Variants in KCNN3 observed in about 807,000 individuals in gnomAD.
The protein encoded by KCNN3 is potassium calcium-activated channel subfamily N member 3, also known as small conductance calcium-activated potassium channel protein 3.
Under a neutral mutation model 62.9 loss-of-function variants are expected in KCNN3, and 16 were observed. That is an observed-to-expected ratio of 0.25 (90% confidence interval 0.17 to 0.39). The LOEUF (loss-of-function observed/expected upper bound fraction) is 0.39, where lower values mean the gene tolerates loss of function less well. Among genes scored for constraint, KCNN3 ranks in the 10% least tolerant of loss-of-function variants. KCNN3 has a pLI of 1.00. For synonymous variants in KCNN3, 370 were observed against 389.2 expected (o/e 0.95, Z 0.58); for missense variants, 599 against 949.4 (o/e 0.63, Z 4.85).
intron 1 of KCNN3, chr1:154,859,855 C>T: frequency 1.9e-6 from 3 of 1,581,628 alleles, no homozygotes; most frequent in Non-Finnish European, 2.6e-6. Flanking sequence ...TAATTTGACA[C>T]TGAGCAGCAC....
At chr1:154,795,696 A>C (rs573758389) in intron 2 of KCNN3, among the ~76,000 whole-genome samples, 1 of 152,320 alleles carries the variant, frequency 6.6e-6, no homozygotes, top group South Asian at 2.1e-4. Context: ...GGGGGCACTG[A>C]AAGTTGGTGG....
intron 3 of KCNN3, among the ~76,000 whole-genome samples, chr1:154,738,428 C>T (rs10908429): frequency 0.28 from 43,311 of 152,136 alleles, 6,316 homozygotes; most frequent in East Asian, 0.4. Flanking sequence ...GAGGGTGGAA[C>T]GAAGACATTT....
chr1:154,803,627 C>T (rs752096469), intron 2 of KCNN3, among the ~76,000 whole-genome samples: 1 of 152,166 alleles, frequency 6.6e-6, no homozygotes, highest in Non-Finnish European at 1.5e-5. Flanking sequence ...AACCAAGGAG[C>T]GTTGAGTCCT....
At chr1:154,846,956 G>A (rs531026675) in intron 1 of KCNN3, among the ~76,000 whole-genome samples, 2 of 152,264 alleles carry the variant, frequency 1.3e-5, no homozygotes, top group South Asian at 2.1e-4. Flanking sequence ...ACATGGATGT[G>A]ACCAAAGCAG....
At chr1:154,851,543 C>T (rs934194484) in intron 1 of KCNN3, among the ~76,000 whole-genome samples, 12 of 152,218 alleles carry the variant, frequency 7.9e-5, no homozygotes, top group African/African-American at 1.2e-4. Context: ...ACAGAAATTC[C>T]ATCCTTCCAG....
At chr1:154,794,556 G>A (rs1441264337) in intron 2 of KCNN3, among the ~76,000 whole-genome samples, 1 of 152,192 alleles carries the variant, frequency 6.6e-6, no homozygotes, top group Non-Finnish European at 1.5e-5. Context: ...GTAGACTATT[G>A]TTATGCTCTT....
At chr1:154,844,028 G>A (rs1460987748) in intron 1 of KCNN3, among the ~76,000 whole-genome samples, 1 of 152,210 alleles carries the variant, frequency 6.6e-6, no homozygotes, top group Admixed American at 6.5e-5. Flanking sequence ...GCCAGCAGGG[G>A]AAGGCCAAAG....
intron 5 of KCNN3, among the ~76,000 whole-genome samples, chr1:154,721,899 A>G (rs1700358012): frequency 6.6e-6 from 1 of 151,636 alleles, no homozygotes; most frequent in Admixed American, 6.6e-5. Context: ...TAATTACAGA[A>G]TAACAATGGC....
In KCNN3 at chr1:154,701,331, G is replaced by T. The variant is rs1292158226; in HGVS notation, c.*6645C>A. 3 of 152,170 alleles carry T rather than the reference G, an allele frequency of 2.0e-5. No homozygotes were observed. Among genetic ancestry groups the T allele is most frequent in the African/African-American group, 7.2e-5 (3 of 41,434 alleles). The allele number at this position is 152,170 out of a possible 1,614,324, so 9.4% of individuals were successfully genotyped here. On this transcript the variant is annotated 3_prime_UTR_variant, in exon 8 of 8. Coordinates refer to ENST00000271915, the MANE Select transcript of KCNN3 (RefSeq NM_002249.6). ...AATCTGCCCCGATGCAACCTGGTTT[G>T]CACCTGTACAATATTGCACCAAAGC...
intron 1 of KCNN3, among the ~76,000 whole-genome samples, chr1:154,843,717 T>A (rs932192963): frequency 2.7e-4 from 41 of 152,160 alleles, no homozygotes; most frequent in Non-Finnish European, 3.2e-4. Context: ...GGGAGTTCTC[T>A]CCCGGAGACT....
At position 154,870,052 on chromosome 1, in the gene KCNN3, T is replaced by C. The variant is rs1653123090; in HGVS notation, c.-88A>G. On this transcript the variant is annotated 5_prime_UTR_variant, in exon 1 of 8. An upstream start codon of the reference 5' UTR is lost. Coordinates refer to ENST00000271915, the MANE Select transcript of KCNN3 (RefSeq NM_002249.6). The stretch of plus-strand genomic sequence containing the variant: ...AGATGTCCTCAAAGAAAGCCAGGCA[T>C]CCAATCTCCCCCACCAGTATCTTGG... 1.4e-6 allele frequency: 2 copies of C among 1,436,180 alleles called. No homozygotes were observed. Among genetic ancestry groups the C allele is most frequent in the Admixed American group, 1.9e-5 (1 of 51,604 alleles). 89.0% of individuals were successfully genotyped at this position (1,436,180 alleles called of 1,614,324 possible).
chr1:154,814,434 C>T (rs1455155494), intron 2 of KCNN3, among the ~76,000 whole-genome samples: 1 of 152,176 alleles, frequency 6.6e-6, no homozygotes, highest in East Asian at 1.9e-4. Flanking sequence ...TCACAACCAA[C>T]ATAAGACACG....
intron 2 of KCNN3, among the ~76,000 whole-genome samples, chr1:154,821,162 A>G (rs895530751): frequency 5.3e-5 from 8 of 152,136 alleles, no homozygotes; most frequent in African/African-American, 1.9e-4. Flanking sequence ...CCAAGAAAAA[A>G]GGTCATGGCC....
chr1:154,855,784 AT>A (rs1652498028), intron 1 of KCNN3, among the ~76,000 whole-genome samples: 1 of 152,166 alleles, frequency 6.6e-6, no homozygotes, highest in African/African-American at 2.4e-5. Flanking sequence ...GAATGAAATT[AT>A]TTTTCCGCCT....
chr1:154,807,190 G>C (rs1047767392), intron 2 of KCNN3, among the ~76,000 whole-genome samples: 9 of 152,096 alleles, frequency 5.9e-5, no homozygotes, highest in African/African-American at 1.9e-4. Flanking sequence ...GAGAGGCCGA[G>C]GACATACAGA....
chr1:154,859,293 G>A (rs564219235), intron 1 of KCNN3, among the ~76,000 whole-genome samples: 6 of 152,328 alleles, frequency 3.9e-5, no homozygotes, highest in East Asian at 1.9e-4. Flanking sequence ...TGCAAAAATC[G>A]CTGCTAGTGG....
At chr1:154,725,049 G>T (rs1485633131) in intron 5 of KCNN3, among the ~76,000 whole-genome samples, 1 of 151,972 alleles carries the variant, frequency 6.6e-6, no homozygotes, top group Non-Finnish European at 1.5e-5. Context: ...TAGAGACGGG[G>T]TTTCACATGT....
chr1:154,722,925 T>G (rs574649229), intron 5 of KCNN3, among the ~76,000 whole-genome samples: 1 of 151,724 alleles, frequency 6.6e-6, no homozygotes, highest in Non-Finnish European at 1.5e-5. Context: ...AGAGTCAGGG[T>G]TTCACCATGT....
chr1:154,849,363 C>G (rs1011254781), intron 1 of KCNN3, among the ~76,000 whole-genome samples: 2 of 152,352 alleles, frequency 1.3e-5, no homozygotes, highest in African/African-American at 4.8e-5. Flanking sequence ...ATGGGGGTTC[C>G]TGGGCAATGC....
Sources: gnomAD v4.1 joint callset for allele counts (sites outside exome capture counted in the v4.1 genomes callset) on GRCh38, gnomAD v4.1.1 for gene constraint, MANE v1.5 for transcripts, NCBI Gene and HGNC (gene_info 2026-07-23, HGNC 2026-07-21) for gene names.